CXCL13: variants seen among roughly 807,000 people sequenced by gnomAD.
CXCL13 encodes the protein C-X-C motif chemokine ligand 13.
A neutral mutation model predicts 12.2 loss-of-function variants in CXCL13; 7 were observed. That is an observed-to-expected ratio of 0.57 (90% confidence interval 0.33 to 1.07). CXCL13 has a LOEUF of 1.07. CXCL13 is among the 50% of genes least tolerant of loss of function. The pLI is 0.04. For synonymous variants in CXCL13, 47 were observed against 42.4 expected (o/e 1.11, Z -0.42); for missense variants, 113 against 127.4 (o/e 0.89, Z 0.55).
At chr4:77,585,436 A>G (rs1413023533) in intron 1 of CXCL13, among the ~76,000 whole-genome samples, 1 of 152,218 alleles carries the variant, frequency 6.6e-6, no homozygotes, top group African/African-American at 2.4e-5. Flanking sequence ...AGAAAGCTGC[A>G]CTACTGATTC....
At chr4:77,591,493 G>A (rs1312649984) in intron 1 of CXCL13, among the ~76,000 whole-genome samples, 1 of 144,980 alleles carries the variant, frequency 6.9e-6, no homozygotes, top group East Asian at 2.1e-4. Flanking sequence ...GGAGCTTGCA[G>A]TGAGCCAAGA....
At chr4:77,593,961 G>A (rs1726682640) in intron 1 of CXCL13, among the ~76,000 whole-genome samples, 1 of 152,224 alleles carries the variant, frequency 6.6e-6, no homozygotes, top group Admixed American at 6.5e-5. Flanking sequence ...AACTGGGGCA[G>A]TGCCTCTCTC....
intron 1 of CXCL13, among the ~76,000 whole-genome samples, chr4:77,534,742 C>CACTT (rs2109797078): frequency 6.6e-6 from 1 of 152,292 alleles, no homozygotes; most frequent in South Asian, 2.1e-4. Context: ...TCAGGTGTGC[C>CACTT]ACTTAATCTC....
At chr4:77,524,663 C>A (rs1724716621) in intron 1 of CXCL13, among the ~76,000 whole-genome samples, 1 of 152,130 alleles carries the variant, frequency 6.6e-6, no homozygotes, top group Non-Finnish European at 1.5e-5. Flanking sequence ...ATCCCCTGTC[C>A]CCTTGCACTT....
chr4:77,513,990 G>A (rs1724341850), intron 1 of CXCL13, among the ~76,000 whole-genome samples: 1 of 151,928 alleles, frequency 6.6e-6, no homozygotes, highest in African/African-American at 2.4e-5. Context: ...AGAGTGTGAT[G>A]TTCCCCTTCC....
chr4:77,562,709 C>T (rs1236666483), intron 1 of CXCL13, among the ~76,000 whole-genome samples: 1 of 142,868 alleles, frequency 7.0e-6, no homozygotes, highest in African/African-American at 3.1e-5. Context: ...CCAATCAGCA[C>T]CCTGTGTCTA....
intron 1 of CXCL13, among the ~76,000 whole-genome samples, chr4:77,607,241 T>C (rs72861981): frequency 0.011 from 1,742 of 152,340 alleles, 29 homozygotes; most frequent in African/African-American, 0.039. Context: ...ACAGAGGCTG[T>C]TCTCAAATTT....
chr4:77,565,039 C>T (rs141530131), intron 1 of CXCL13, among the ~76,000 whole-genome samples: 1 of 152,284 alleles, frequency 6.6e-6, no homozygotes, highest in Non-Finnish European at 1.5e-5. Context: ...TGTCAGTGGT[C>T]TTCAAACTGT....
chr4:77,548,860 T>A (rs1725438423), intron 1 of CXCL13, among the ~76,000 whole-genome samples: 1 of 152,216 alleles, frequency 6.6e-6, no homozygotes, highest in Non-Finnish European at 1.5e-5. Flanking sequence ...TCTCTGTATT[T>A]CCTGAATTTG....
chr4:77,606,010 C>T (rs955013399), intron 1 of CXCL13, 81 bp downstream of exon 1: 5 of 962,036 alleles, frequency 5.2e-6, no homozygotes, highest in South Asian at 2.0e-5. Flanking sequence ...GATTAAAAAC[C>T]GCAGGGAAGT....
chr4:77,561,053 C>G (rs1418433385), intron 1 of CXCL13, among the ~76,000 whole-genome samples: 1 of 152,122 alleles, frequency 6.6e-6, no homozygotes, highest in Non-Finnish European at 1.5e-5. Flanking sequence ...GCTAACAGTT[C>G]TCATGGTTAT....
At chr4:77,518,411 C>G (rs1160489956) in intron 1 of CXCL13, among the ~76,000 whole-genome samples, 1 of 152,202 alleles carries the variant, frequency 6.6e-6, no homozygotes, top group Non-Finnish European at 1.5e-5. Context: ...GTTCCATTCT[C>G]CCTGTCACTT....
rs559100724 is a variant in CXCL13 at position 77,570,830 on chromosome 4, C to T, written c.-42-34994C>T. ...CGGGCCAGCAGCTGCAGAGGGTGTA[C>T]TGGATCCCCAAGCAGTGCCAGCCCA... On this transcript the variant is annotated intron_variant, in intron 1 of 4. Coordinates refer to the CXCL13 transcript ENST00000286758. Among the ~76,000 whole-genome samples the T allele has an allele frequency of 9.3e-5, 14 of 150,776 alleles. No homozygotes were observed. In the South Asian group the frequency reaches 2.3e-3, roughly 25 times the overall value.
At chr4:77,578,998 T>A (rs1280780028) in intron 1 of CXCL13, among the ~76,000 whole-genome samples, 1 of 152,162 alleles carries the variant, frequency 6.6e-6, no homozygotes, top group East Asian at 1.9e-4. Context: ...ACTTCCTTCA[T>A]CATCTTTTCT....
intron 1 of CXCL13, among the ~76,000 whole-genome samples, chr4:77,543,467 TC>T (rs1302322308): frequency 6.6e-6 from 1 of 152,134 alleles, no homozygotes; most frequent in Non-Finnish European, 1.5e-5. Context: ...TTGAGATCTT[TC>T]CAACTTTTTG....
intron 1 of CXCL13, among the ~76,000 whole-genome samples, chr4:77,590,134 C>T (rs996900307): frequency 6.6e-5 from 10 of 151,904 alleles, no homozygotes; most frequent in African/African-American, 9.7e-5. Flanking sequence ...TGCGTGGCTC[C>T]GGGAAAAGGT....
chr4:77,582,461 TC>T (rs1297404188), intron 1 of CXCL13, among the ~76,000 whole-genome samples: 2 of 152,182 alleles, frequency 1.3e-5, no homozygotes, highest in African/African-American at 2.4e-5. Context: ...TTTCTACTCA[TC>T]CTTTGCTTTT....
intron 1 of CXCL13, among the ~76,000 whole-genome samples, chr4:77,589,640 G>C (rs774376836): frequency 3.9e-5 from 6 of 151,988 alleles, no homozygotes; most frequent in Non-Finnish European, 8.8e-5. Context: ...TACACCCCAC[G>C]AATAAGGTGG....
intron 1 of CXCL13, among the ~76,000 whole-genome samples, chr4:77,539,667 C>T (rs1029859880): frequency 2.0e-5 from 3 of 152,212 alleles, no homozygotes; most frequent in Admixed American, 6.5e-5. Flanking sequence ...TTTTAATGTG[C>T]TTGCTTGAAC....
Sources: allele counts gnomAD v4.1 joint callset (sites outside exome capture counted in the v4.1 genomes callset), GRCh38; gene constraint gnomAD v4.1.1; transcripts MANE v1.5; gene names NCBI Gene and HGNC (gene_info 2026-07-23, HGNC 2026-07-21).